H3-3B: variants seen among roughly 807,000 people sequenced by gnomAD.
The protein encoded by H3-3B is histone H3.3.
In H3-3B, 2 loss-of-function variants were observed where a neutral mutation model predicts 13.1. That is an observed-to-expected ratio of 0.15 (90% CI 0.06 to 0.48). The LOEUF is 0.48. H3-3B is among the 20% of genes least tolerant of loss of function. The pLI is 0.97. For missense variants in H3-3B, 39 were observed against 186.0 expected (o/e 0.21, Z 4.60); for synonymous variants, 133 against 75.8 (o/e 1.76, Z -3.92).
At position 75,777,478 on chromosome 17, in the gene H3-3B, T is replaced by C. The variant is rs1447708822; in HGVS notation, c.*1117A>G. The C allele has an allele frequency of 1.3e-5, 2 of 152,676 alleles. No individual in the cohort carries two copies. The highest frequency in any genetic ancestry group is 2.9e-5 in the Non-Finnish European group (2 of 68,046). 9.5% of individuals were successfully genotyped at this position (152,676 alleles called of 1,614,324 possible). On this transcript the variant is annotated 3_prime_UTR_variant, in exon 4 of 4. Coordinates refer to ENST00000254810, the MANE Select transcript of H3-3B (RefSeq NM_005324.5). Reference sequence around the variant, plus strand: ...ACTTAGTTGGATAAACAAGTTTATTTGTAAATTTAGTCAACATACATAATT... The same window carrying C: ...ACTTAGTTGGATAAACAAGTTTATTCGTAAATTTAGTCAACATACATAATT...
chr17:75,779,374 G>C, intron 1 of H3-3B, 190 bp from the exon 2 acceptor site: 2 of 496,102 alleles, frequency 4.0e-6, no homozygotes, highest in Middle Eastern at 5.7e-4. Context: ...GCGAGGAGCG[G>C]CAGCCTCCCC....
rs768398312 is a variant in H3-3B at position 75,778,712 on chromosome 17, T to C, written c.294A>G (p.Glu98=). Residue 98 remains glutamate (E), a synonymous_variant, in exon 4 of 4, where the codon GAA becomes GAG. Coordinates refer to ENST00000254810, the MANE Select transcript of H3-3B (RefSeq NM_005324.5). ...CTTCGAACAGACCCACCAGGTACGC[T>C]TCGCTAGCCTCCTGTTGAGGACGAG... is the stretch of plus-strand genomic sequence containing the variant. The part of the protein sequence containing the change: ...AAIGALQEAS[E]AYLVGLFEDT... The C allele has an allele frequency of 5.6e-6, 9 of 1,614,172 alleles. No individual in the cohort carries two copies. The highest frequency in any genetic ancestry group is 2.2e-5 in the East Asian group (1 of 44,892).
In H3-3B at chr17:75,778,535, C is replaced by G; in HGVS notation, c.*60G>C. On this transcript the variant is annotated 3_prime_UTR_variant, in exon 4 of 4. Transcript: ENST00000254810. ...AAACAATTTCTTACAAAAAAAGTCA[C>G]AAATTAAACCAAAGTATTTTACAGA... The G allele has an allele frequency of 6.4e-7, 1 of 1,559,652 alleles. No homozygotes were observed. The highest frequency in any genetic ancestry group is 8.7e-7 in the Non-Finnish European group (1 of 1,153,614).
chr17:75,776,447 T>C lies in H3-3B; in HGVS notation c.*2148A>G, dbSNP rs2061637577. On this transcript the variant is annotated 3_prime_UTR_variant, in exon 4 of 4. Transcript: ENST00000254810. ...AATGAGAAAATCTTAACTTCAAAAA[T>C]TTTATTTTAGTCTCATCCATCAAGG... 6.6e-6 allele frequency: 1 copy of C among 152,190 alleles called. No individual in the cohort carries two copies. The highest frequency in any genetic ancestry group is 1.5e-5 in the Non-Finnish European group (1 of 68,030). 9.4% of individuals were successfully genotyped at this position (152,190 alleles called of 1,614,324 possible).
rs9895763 is a variant in H3-3B at position 75,778,796 on chromosome 17, G to A, written c.282+14C>T. 0.14 allele frequency: 233,676 copies of A among 1,613,984 alleles called. 18,864 individuals carry two copies. The highest frequency in any genetic ancestry group is 0.27 in the African/African-American group (20,195 of 74,978). On this transcript the variant is annotated intron_variant, in intron 3 of 3. Transcript: ENST00000254810. ...ACCGCCCAGCCCTCCCCCGGCTCCA[G>A]GCCTTTGTCTTACCTGCAGCGCACC...
At chr17:75,779,385 C>T in intron 1 of H3-3B, 2 of 448,866 alleles carry the variant, frequency 4.5e-6, no homozygotes, top group South Asian at 2.0e-4. Context: ...CAGCCTCCCC[C>T]GGGAGGGGGA....
chr17:75,779,249 G>A (rs1385734606), intron 1 of H3-3B, 65 bp from the exon 2 acceptor site: 9 of 1,387,630 alleles, frequency 6.5e-6, no homozygotes, highest in African/African-American at 4.5e-5. Context: ...GGGCTGCGGG[G>A]GGAGGAACAG....
Position 75,778,550 on chromosome 17 carries a change from T to G in H3-3B, c.*45A>C, listed in dbSNP as rs199968433. On this transcript the variant is annotated 3_prime_UTR_variant, in exon 4 of 4. Coordinates refer to ENST00000254810, the MANE Select transcript of H3-3B (RefSeq NM_005324.5). ...AAAAAAGTCACAAATTAAACCAAAG[T>G]ATTTTACAGAATTTACTACAAAACG... 1 of 1,581,576 alleles carries G rather than the reference T, an allele frequency of 6.3e-7. No individual in the cohort carries two copies. The highest frequency in any genetic ancestry group is 8.6e-7 in the Non-Finnish European group (1 of 1,164,248).
chr17:75,778,834 C>G lies in H3-3B; in HGVS notation c.258G>C (p.Gln86His), dbSNP rs747143516. 1 of 1,614,214 alleles carries G rather than the reference C, an allele frequency of 6.2e-7. No individual in the cohort carries two copies. Among genetic ancestry groups the G allele is most frequent in the South Asian group, 1.1e-5 (1 of 91,084 alleles). ...AQDFKTDLRFQSAAIGALQEA... is the reference protein window; with the variant it reads ...AQDFKTDLRFHSAAIGALQEA... ...CCTGCAGCGCACCGATGGCTGCGCT[C>G]TGAAACCTCAGGTCGGTTTTGAAAT... is the stretch of plus-strand genomic sequence containing the variant. Residue 86 changes from glutamine to histidine, a missense_variant, in exon 3 of 4, where the codon CAG becomes CAC. Transcript: ENST00000254810.
At position 75,776,967 on chromosome 17, in the gene H3-3B, T is replaced by C. The variant is rs1196018343; in HGVS notation, c.*1628A>G. ...CGACCTGAAAGATACCTACTTTACC[T>C]TCCCTCCAAAATATCACATTTGAAA... On this transcript the variant is annotated 3_prime_UTR_variant, in exon 4 of 4. Coordinates refer to ENST00000254810, the MANE Select transcript of H3-3B (RefSeq NM_005324.5). 6.6e-6 allele frequency: 1 copy of C among 152,230 alleles called. No individual in the cohort carries two copies. Among genetic ancestry groups the C allele is most frequent in the East Asian group, 1.9e-4 (1 of 5,204 alleles). The allele number at this position is 152,230 out of a possible 1,614,324, so 9.4% of individuals were successfully genotyped here. A position where few individuals can be genotyped will look rare whatever the true frequency, so the allele number is the denominator to read the frequency against.
At position 75,777,218 on chromosome 17, in the gene H3-3B, G is replaced by A. The variant is rs994400082; in HGVS notation, c.*1377C>T. On this transcript the variant is annotated 3_prime_UTR_variant, in exon 4 of 4. Transcript: ENST00000254810. ...CTACACTACGGAACGGGAGTGGGGG[G>A]GCTGAAAAGCTTATTAATATACTTT... The A allele has an allele frequency of 1.3e-5, 2 of 149,030 alleles. No individual in the cohort carries two copies. The highest frequency in any genetic ancestry group is 5.1e-5 in the African/African-American group (2 of 39,264). The allele number at this position is 149,030 out of a possible 1,614,324, so 9.2% of individuals were successfully genotyped here.
chr17:75,779,006 A>C, intron 2 of H3-3B, 41 bp downstream of exon 2: 1 of 1,612,518 alleles, frequency 6.2e-7, no homozygotes, highest in Non-Finnish European at 8.5e-7. Context: ...TGCCGCACAA[A>C]GCCGGCCACC....
At position 75,778,589 on chromosome 17, in the gene H3-3B, C is replaced by G. The variant is rs748559822; in HGVS notation, c.*6G>C. ...TACTACAAAACGCCATAAAAACTGC[C>G]TTCACTTAAGCTCTCTCTCCCCGTA... On this transcript the variant is annotated 3_prime_UTR_variant, in exon 4 of 4. Coordinates refer to ENST00000254810, the MANE Select transcript of H3-3B (RefSeq NM_005324.5). 1 of 1,607,364 alleles carries G rather than the reference C, an allele frequency of 6.2e-7. No homozygotes were observed. Among genetic ancestry groups the G allele is most frequent in the African/African-American group, 1.3e-5 (1 of 74,650 alleles).
At position 75,778,555 on chromosome 17, in the gene H3-3B, T is replaced by C; in HGVS notation, c.*40A>G. ...AGTCACAAATTAAACCAAAGTATTT[T>C]ACAGAATTTACTACAAAACGCCATA... is the stretch of plus-strand genomic sequence containing the variant. On this transcript the variant is annotated 3_prime_UTR_variant, in exon 4 of 4. Coordinates refer to ENST00000254810, the MANE Select transcript of H3-3B (RefSeq NM_005324.5). The C allele has an allele frequency of 6.3e-7, 1 of 1,586,068 alleles. No homozygotes were observed. Among genetic ancestry groups the C allele is most frequent in the Non-Finnish European group, 8.6e-7 (1 of 1,167,014 alleles).
chr17:75,776,798 T>C lies in H3-3B; in HGVS notation c.*1797A>G, dbSNP rs1244704206. On this transcript the variant is annotated 3_prime_UTR_variant, in exon 4 of 4. Transcript: ENST00000254810. ...TTGTGTACTTTGTTTCCAGACACGC[T>C]ACAGCATAGCACGTTCCAACATCTG... is the stretch of plus-strand genomic sequence containing the variant. 1.3e-5 allele frequency: 2 copies of C among 152,272 alleles called. No individual in the cohort carries two copies. The highest frequency in any genetic ancestry group is 1.3e-4 in the Admixed American group (2 of 15,288). 9.4% of individuals were successfully genotyped at this position (152,272 alleles called of 1,614,324 possible). A position where few individuals can be genotyped will look rare whatever the true frequency, so the allele number is the denominator to read the frequency against.
At chr17:75,778,777 C>T (rs369011460) in intron 3 of H3-3B, 33 bp downstream of exon 3, 155 of 1,614,000 alleles carry the variant, frequency 9.6e-5, no homozygotes, top group Non-Finnish European at 1.2e-4. Context: ...GGAAACCGCC[C>T]AGCCCTCCCC....
In H3-3B at chr17:75,779,186, T is replaced by A; in HGVS notation, c.-10-2A>T. On this transcript the variant is annotated splice_acceptor_variant, in intron 1 of 3. Transcript: ENST00000254810. LOFTEE classifies it low-confidence loss of function (5UTR_SPLICE). Reference sequence around the variant, plus strand: ...TTGGTTCGGGCCATTTTCTTTCACCTAAGAAAGACGCCCCGAAGATAAGGC... The same window carrying A: ...TTGGTTCGGGCCATTTTCTTTCACCAAAGAAAGACGCCCCGAAGATAAGGC... 2 of 1,495,742 alleles carry A rather than the reference T, an allele frequency of 1.3e-6. No individual in the cohort carries two copies. The highest frequency in any genetic ancestry group is 1.8e-6 in the Non-Finnish European group (2 of 1,124,478). 92.7% of individuals were successfully genotyped at this position (1,495,742 alleles called of 1,614,324 possible). A position where few individuals can be genotyped will look rare whatever the true frequency, so the allele number is the denominator to read the frequency against.
rs373063808 is a variant in H3-3B, at chr17:75,778,509, T to C, written c.*86A>G. The C allele has an allele frequency of 3.3e-6, 5 of 1,524,088 alleles. No homozygotes were observed. In the East Asian group the frequency reaches 6.8e-5, roughly 21 times the overall value. The allele number at this position is 1,524,088 out of a possible 1,614,324, so 94.4% of individuals were successfully genotyped here. A position where few individuals can be genotyped will look rare whatever the true frequency, so the allele number is the denominator to read the frequency against. ...ACTTAAGTACAAATGCAACATATTA[T>C]AAACAATTTCTTACAAAAAAAGTCA... On this transcript the variant is annotated 3_prime_UTR_variant, in exon 4 of 4. Transcript: ENST00000254810.
Position 75,778,371 on chromosome 17 carries a change from T to TCA in H3-3B, c.*222_*223dup. ...CATGCATCATGAGAAGCAAGAAGTA[T>TCA]CACCCATCCCTTCTGCATATTAGCA... On this transcript the variant is annotated 3_prime_UTR_variant, in exon 4 of 4. Coordinates refer to ENST00000254810, the MANE Select transcript of H3-3B (RefSeq NM_005324.5). The TCA allele has an allele frequency of 1.8e-6, 1 of 569,666 alleles. No homozygotes were observed. The highest frequency in any genetic ancestry group is 3.1e-5 in the East Asian group (1 of 32,692). The allele number at this position is 569,666 out of a possible 1,614,324, so 35.3% of individuals were successfully genotyped here. A position where few individuals can be genotyped will look rare whatever the true frequency, so the allele number is the denominator to read the frequency against.
Sources: allele counts gnomAD v4.1 joint callset, GRCh38; gene constraint gnomAD v4.1.1; transcripts MANE v1.5; gene names NCBI Gene and HGNC (gene_info 2026-07-23, HGNC 2026-07-21).